TUT4: variants seen among roughly 807,000 people sequenced by gnomAD.
TUT4 encodes terminal uridylyl transferase 4, also known as terminal uridylyltransferase 4.
In TUT4, 36 loss-of-function variants were observed where a neutral mutation model predicts 192.2. That is an observed-to-expected ratio of 0.19 (90% confidence interval 0.14 to 0.25). The LOEUF (loss-of-function observed/expected upper bound fraction) is 0.25. Among genes scored for constraint, TUT4 ranks in the 10% least tolerant of loss-of-function variants. The pLI is 1.00. For missense variants in TUT4, 1,493 were observed against 1,957.2 expected, an observed-to-expected ratio of 0.76 and a Z score of 4.47; for synonymous variants, 618 against 666.0, an observed-to-expected ratio of 0.93 and a Z score of 1.11.
At chr1:52,540,274 T>C (rs916189440) in intron 1 of TUT4, among the ~76,000 whole-genome samples, 1 of 150,056 alleles carries the variant, frequency 6.7e-6, no homozygotes, top group Non-Finnish European at 1.5e-5. Context: ...CCCAGCACTT[T>C]GGGAGGCCAA....
In TUT4 at chr1:52,515,878, C is replaced by A. The variant is rs772488249; in HGVS notation, c.882+13G>T. 7 of 1,613,660 alleles carry A rather than the reference C, an allele frequency of 4.3e-6. No individual in the cohort carries two copies. The Admixed American group carries it at 1.2e-4, about 27-fold the overall frequency. On this transcript the variant is annotated intron_variant, in intron 3 of 29. Transcript: ENST00000257177. ...CACATTTCCCCCCAAATAACTAAAA[C>A]AACATAGTATACTTTTTCAAGTCGA... is the stretch of plus-strand genomic sequence containing the variant.
intron 3 of TUT4, among the ~76,000 whole-genome samples, chr1:52,510,968 A>G (rs912476846): frequency 2.6e-5 from 4 of 152,222 alleles, no homozygotes; most frequent in Admixed American, 2.6e-4. Context: ...TTACACTGAA[A>G]CTTTAGCAAT....
intron 2 of TUT4, among the ~76,000 whole-genome samples, chr1:52,521,220 T>G (rs1248726412): frequency 6.6e-6 from 1 of 152,210 alleles, no homozygotes; most frequent in African/African-American, 2.4e-5. Context: ...GTTCAGTTCC[T>G]GGCATGTAGT....
chr1:52,533,038 C>A (rs1049017889), intron 1 of TUT4, among the ~76,000 whole-genome samples: 2 of 152,168 alleles, frequency 1.3e-5, no homozygotes, highest in African/African-American at 2.4e-5. Flanking sequence ...CAACTAAATG[C>A]GATTCTGATT....
chr1:52,459,800 T>C (rs1419969286), intron 19 of TUT4, among the ~76,000 whole-genome samples: 1 of 149,122 alleles, frequency 6.7e-6, no homozygotes, highest in Non-Finnish European at 1.5e-5. Context: ...GAAAACTGCT[T>C]GAATCTAGGA....
intron 2 of TUT4, among the ~76,000 whole-genome samples, chr1:52,517,244 G>A (rs1678954284): frequency 6.6e-6 from 1 of 152,160 alleles, no homozygotes. Context: ...TTAGATGACG[G>A]ATTTCTTGAT....
At position 52,431,254 on chromosome 1, in the gene TUT4, A is replaced by G. The variant is rs749428108; in HGVS notation, c.4470T>C (p.Asn1490=). 30 of 1,614,034 alleles carry G rather than the reference A, an allele frequency of 1.9e-5. No individual in the cohort carries two copies. The highest frequency in any genetic ancestry group is 2.0e-5 in the Non-Finnish European group (24 of 1,180,024). Residue 1490 remains asparagine (N), a synonymous_variant, in exon 28 of 30, where the codon AAT becomes AAC. Transcript: ENST00000257177. ...SPPAQYSPMH[N]MGLLPMHPLQ... is the part of the protein sequence containing the mutation. The stretch of plus-strand genomic sequence containing the variant: ...GAGGGTGCATTGGCAACAATCCCAT[A>G]TTGTGCATGGGAGAATACTGAGCTG...
chr1:52,474,887 A>T lies in TUT4; in HGVS notation c.2672T>A (p.Leu891His). 6.2e-7 allele frequency: 1 copy of T among 1,613,570 alleles called. No individual in the cohort carries two copies. The highest frequency in any genetic ancestry group is 2.2e-5 in the East Asian group (1 of 44,866). Residue 891 changes from leucine to histidine, a missense_variant, in exon 13 of 30, where the codon CTC (leucine) becomes CAC (histidine). Physicochemically the swap from Leu to His is moderately conservative, Grantham distance 99. Around this residue, in one of 7 missense-constraint regions of TUT4, gnomAD observed 245 missense variants for 218.4 expected, o/e 1.12. Coordinates refer to ENST00000257177, the MANE Select transcript of TUT4 (RefSeq NM_001009881.3). ...CACATAATATAATTCCTGGGTGGGGAGGTTATCATCATCATTAAGGTCAGA... is the reference window on the plus strand; with the variant it reads ...CACATAATATAATTCCTGGGTGGGGTGGTTATCATCATCATTAAGGTCAGA... ...DASDLNDDDN[L>H]PTQELYYVFD...
rs772484397 is a variant in TUT4 at position 52,425,346 on chromosome 1, T to C, written c.4870+3A>G. On this transcript the variant is annotated splice_donor_region_variant and intron_variant, in intron 29 of 29. Coordinates refer to ENST00000257177, the MANE Select transcript of TUT4 (RefSeq NM_001009881.3). ...CTGTTAACTAATTTGTAAGCAGTGG[T>C]ACCTTGAGTATAGAAAGGTTTGTTG... is the stretch of plus-strand genomic sequence containing the variant. The C allele has an allele frequency of 6.2e-7, 1 of 1,613,438 alleles. No individual in the cohort carries two copies. Among genetic ancestry groups the C allele is most frequent in the South Asian group, 1.1e-5 (1 of 90,966 alleles).
At chr1:52,511,562 T>G (rs1350334609) in intron 3 of TUT4, among the ~76,000 whole-genome samples, 2 of 152,182 alleles carry the variant, frequency 1.3e-5, no homozygotes, top group Non-Finnish European at 2.9e-5. Context: ...GAGACATCAC[T>G]TAAGACCTTA....
At chr1:52,466,058 T>A (rs1664031093) in intron 15 of TUT4, among the ~76,000 whole-genome samples, 1 of 152,154 alleles carries the variant, frequency 6.6e-6, no homozygotes, top group African/African-American at 2.4e-5. Context: ...TCCTATTAAT[T>A]CTAAAGTAGA....
intron 20 of TUT4, 84 bp from the exon 21 acceptor site, chr1:52,446,751 A>G: frequency 1.1e-6 from 1 of 916,860 alleles, no homozygotes; most frequent in Non-Finnish European, 1.6e-6. Context: ...TTTAGAATTT[A>G]CCTATAAGAC....
rs1347297640 is a variant in TUT4, at chr1:52,477,737, T to C, written c.1994A>G (p.Asn665Ser). ...IQDILTRENK[N>S]WPKRRIAIED... The stretch of plus-strand genomic sequence containing the variant: ...AATGGCTATTCGCCTTTTAGGCCAG[T>C]TTTTATTTTCTCTTGTTAAAATATC... The change falls in exon 12 of 30, where the codon AAC (asparagine) becomes AGC (serine). Residue 665 changes from asparagine to serine, a missense_variant. By Grantham distance (46) the Asn-to-Ser change is conservative. This residue lies in a region of TUT4 where 437 missense variants were observed against 577.6 expected (regional missense o/e 0.76). Coordinates refer to ENST00000257177, the MANE Select transcript of TUT4 (RefSeq NM_001009881.3). The C allele has an allele frequency of 6.2e-7, 1 of 1,609,572 alleles. No individual in the cohort carries two copies. Among genetic ancestry groups the C allele is most frequent in the East Asian group, 2.2e-5 (1 of 44,826 alleles).
At chr1:52,528,529 G>A (rs907289465) in intron 1 of TUT4, among the ~76,000 whole-genome samples, 2 of 151,186 alleles carry the variant, frequency 1.3e-5, no homozygotes, top group Non-Finnish European at 2.9e-5. Flanking sequence ...AAAAAATCAG[G>A]ATGTTTTTTA....
intron 4 of TUT4, among the ~76,000 whole-genome samples, chr1:52,508,422 T>C (rs1328125557): frequency 6.6e-6 from 1 of 152,152 alleles, no homozygotes; most frequent in Non-Finnish European, 1.5e-5. Context: ...TTCCTAATTA[T>C]TATCACCTAA....
chr1:52,457,368 T>C (rs1661277808), intron 20 of TUT4, among the ~76,000 whole-genome samples: 1 of 152,046 alleles, frequency 6.6e-6, no homozygotes, highest in South Asian at 2.1e-4. Flanking sequence ...CCCGAGTAGC[T>C]GGGATTACAG....
At chr1:52,443,222 G>A (rs917433213) in intron 24 of TUT4, among the ~76,000 whole-genome samples, 1 of 150,742 alleles carries the variant, frequency 6.6e-6, no homozygotes, top group South Asian at 2.1e-4. Flanking sequence ...GGCAGAGGTT[G>A]CAGTGCACCA....
intron 28 of TUT4, among the ~76,000 whole-genome samples, chr1:52,426,362 CA>C (rs1171215418): frequency 2.0e-5 from 3 of 152,164 alleles, no homozygotes; most frequent in Admixed American, 6.5e-5. Context: ...ACTATCCCCC[CA>C]AATCTATTTC....
chr1:52,502,490 T>G (rs1674410801), intron 4 of TUT4, among the ~76,000 whole-genome samples: 3 of 152,188 alleles, frequency 2.0e-5, no homozygotes, highest in Non-Finnish European at 4.4e-5. Flanking sequence ...TCATGATTAA[T>G]ACTATCACCT....
Sources: allele counts gnomAD v4.1 joint callset (sites outside exome capture counted in the v4.1 genomes callset), GRCh38; gene constraint gnomAD v4.1.1; regional missense constraint gnomAD v4.1.1; transcripts MANE v1.5; gene names NCBI Gene and HGNC (gene_info 2026-07-23, HGNC 2026-07-21).